OXSR1: variants seen among roughly 807,000 people sequenced by gnomAD.
OXSR1 encodes the protein oxidative stress responsive kinase 1.
OXSR1 carries 24 observed loss-of-function variants against 79.8 expected under a neutral mutation model. The ratio of observed to expected loss-of-function variants is 0.30; its 90% CI spans 0.22 to 0.42. OXSR1 has a LOEUF of 0.42. Ranked by LOEUF, OXSR1 falls within the 10% of genes least tolerant of loss-of-function variation. The pLI is 1.00. For missense variants in OXSR1, 430 were observed against 618.4 expected (o/e 0.70, Z 3.23); for synonymous variants, 226 against 209.2 (o/e 1.08, Z -0.69).
intron 4 of OXSR1, among the ~76,000 whole-genome samples, chr3:38,214,925 C>T (rs908441092): frequency 6.6e-6 from 1 of 152,224 alleles, no homozygotes; most frequent in Non-Finnish European, 1.5e-5. Context: ...GGCTCCTTTT[C>T]ATGACAAATA....
intron 1 of OXSR1, among the ~76,000 whole-genome samples, chr3:38,174,277 C>CT (rs1701637708): frequency 6.6e-6 from 1 of 152,130 alleles, no homozygotes; most frequent in Non-Finnish European, 1.5e-5. Context: ...CGTGACCTGA[C>CT]TTTCGTTTTA....
At chr3:38,220,726 C>G (rs190578871) in intron 5 of OXSR1, among the ~76,000 whole-genome samples, 1 of 152,294 alleles carries the variant, frequency 6.6e-6, no homozygotes, top group East Asian at 1.9e-4. Flanking sequence ...CTTTGTCTTT[C>G]CATTCAAGCT....
At chr3:38,193,851 A>G (rs1394763637) in intron 3 of OXSR1, among the ~76,000 whole-genome samples, 1 of 152,176 alleles carries the variant, frequency 6.6e-6, no homozygotes. Flanking sequence ...ATAAGTGCCT[A>G]TATTTTTATG....
chr3:38,244,111 T>C (rs1234316386), intron 12 of OXSR1, among the ~76,000 whole-genome samples: 1 of 152,242 alleles, frequency 6.6e-6, no homozygotes, highest in Admixed American at 6.5e-5. Context: ...ATTTAACCTA[T>C]GTTGACTGAT....
chr3:38,196,263 A>G (rs1393315356), intron 3 of OXSR1, among the ~76,000 whole-genome samples: 2 of 152,198 alleles, frequency 1.3e-5, no homozygotes, highest in East Asian at 3.8e-4. Flanking sequence ...CCTTTTGCTT[A>G]GCATATTTTC....
chr3:38,199,992 T>G (rs1344116549), intron 4 of OXSR1, among the ~76,000 whole-genome samples: 1 of 152,170 alleles, frequency 6.6e-6, no homozygotes, highest in African/African-American at 2.4e-5. Flanking sequence ...GGGGAAACAC[T>G]GGACCTGCAT....
intron 14 of OXSR1, 66 bp downstream of exon 14, chr3:38,247,798 C>G: frequency 9.8e-7 from 1 of 1,020,130 alleles, no homozygotes; most frequent in Non-Finnish European, 1.5e-6. Context: ...CTGTAATAGT[C>G]TGTGCCTGAG....
At chr3:38,252,774 T>A (rs958064084) in intron 17 of OXSR1, 43 bp from the exon 18 acceptor site, 3 of 1,515,428 alleles carry the variant, frequency 2.0e-6, no homozygotes. Flanking sequence ...CCTGCAAGTT[T>A]GTTTATAAAT....
intron 4 of OXSR1, among the ~76,000 whole-genome samples, chr3:38,204,819 T>G (rs1425532723): frequency 6.7e-6 from 1 of 149,906 alleles, no homozygotes; most frequent in Admixed American, 6.6e-5. Context: ...GGCTGCCCCA[T>G]TGGTGTCTCA....
chr3:38,215,298 G>T (rs200876447), intron 4 of OXSR1, among the ~76,000 whole-genome samples: 2 of 152,066 alleles, frequency 1.3e-5, no homozygotes, highest in Non-Finnish European at 2.9e-5. Context: ...ACTAGTTTTT[G>T]TTTTTTATTA....
chr3:38,177,495 A>T (rs1027804657), intron 1 of OXSR1, among the ~76,000 whole-genome samples: 1 of 152,230 alleles, frequency 6.6e-6, no homozygotes, highest in Non-Finnish European at 1.5e-5. Context: ...ACTGTTGTCA[A>T]AATTGTTTAT....
chr3:38,238,559 A>T (rs1457659794), intron 11 of OXSR1, among the ~76,000 whole-genome samples: 1 of 151,888 alleles, frequency 6.6e-6, no homozygotes, highest in Admixed American at 6.6e-5. Context: ...CTTTGTTTTG[A>T]GAATGTGTGT....
At chr3:38,164,732 C>T (rs35718380), upstream of OXSR1, among the ~76,000 whole-genome samples, 15 of 152,288 alleles carry the variant, frequency 9.8e-5, no homozygotes, top group East Asian at 1.5e-3. Context: ...AGAAAGACAA[C>T]CTCCCGAGTC....
intron 1 of OXSR1, among the ~76,000 whole-genome samples, chr3:38,167,197 G>A (rs772104805): frequency 6.6e-6 from 1 of 152,198 alleles, no homozygotes; most frequent in Admixed American, 6.5e-5. Context: ...AATTGGGCTG[G>A]TGTGTGAAAA....
At position 38,201,912 on chromosome 3, in the gene OXSR1, C is replaced by T. The variant is rs1054195551; in HGVS notation, c.434+3049C>T. ...TCTCCATTTTTGTCTTTTAGTTTTG[C>T]TAAAGATGTGCAGTTTGGGACTTGG... On this transcript the variant is annotated intron_variant, in intron 4 of 17. Transcript: ENST00000311806. 3.3e-5 allele frequency among the ~76,000 whole-genome samples: 5 copies of T among 152,136 alleles called. 1 individual carries two copies. The South Asian group carries it at 6.2e-4, about 19-fold the overall frequency.
At chr3:38,174,531 G>A (rs1364448529) in intron 1 of OXSR1, among the ~76,000 whole-genome samples, 4 of 152,096 alleles carry the variant, frequency 2.6e-5, no homozygotes, top group Non-Finnish European at 1.5e-5. Flanking sequence ...GCAGTGAGCC[G>A]AGATGGCGCC....
chr3:38,247,594 T>C (rs1486289613), intron 13 of OXSR1, 74 bp from the exon 14 acceptor site: 1 of 1,038,868 alleles, frequency 9.6e-7, no homozygotes, highest in Non-Finnish European at 1.5e-6. Context: ...AAATGATTCC[T>C]CTGCCAGTGA....
In OXSR1 at chr3:38,196,921, A is replaced by G. The variant is rs535584413; in HGVS notation, c.293-1801A>G. Reference sequence around the variant, plus strand: ...GAATTGGTTTTCCTTTGCATTCCCTATTTTAGGTATTATGTTATAAACAGT... The same window carrying G: ...GAATTGGTTTTCCTTTGCATTCCCTGTTTTAGGTATTATGTTATAAACAGT... On this transcript the variant is annotated intron_variant, in intron 3 of 17. Coordinates refer to ENST00000311806, the MANE Select transcript of OXSR1 (RefSeq NM_005109.3). 1.6e-4 allele frequency among the ~76,000 whole-genome samples: 24 copies of G among 152,244 alleles called. No homozygotes were observed. The East Asian group carries it at 2.5e-3, about 16-fold the overall frequency.
chr3:38,165,654 G>C lies in OXSR1; in HGVS notation c.-223G>C. 1 of 529,186 alleles carries C rather than the reference G, an allele frequency of 1.9e-6. No individual in the cohort carries two copies. Among genetic ancestry groups the C allele is most frequent in the South Asian group, 2.4e-5 (1 of 42,372 alleles). The allele number at this position is 529,186 out of a possible 1,614,324, so 32.8% of individuals were successfully genotyped here. On this transcript the variant is annotated 5_prime_UTR_variant, in exon 1 of 18. Transcript: ENST00000311806. ...ACGTGGGCTGGGCCGGGCAGTGCCG[G>C]ACTCGGAGGAGCAGGAGGCGAGGTC...
Sources: allele counts gnomAD v4.1 joint callset (sites outside exome capture counted in the v4.1 genomes callset), GRCh38; gene constraint gnomAD v4.1.1; transcripts MANE v1.5; gene names NCBI Gene and HGNC (gene_info 2026-07-23, HGNC 2026-07-21).